The following ATAD2B variants were observed in gnomAD, a reference collection of about 807,000 sequenced individuals.
The protein encoded by ATAD2B is ATPase family AAA domain-containing protein 2B.
ATAD2B carries 40 observed loss-of-function variants against 167.6 expected under a neutral mutation model. The observed-to-expected ratio is 0.24, with a 90% CI of 0.19 to 0.31. The LOEUF (loss-of-function observed/expected upper bound fraction) is 0.31, where lower values mean the gene tolerates loss of function less well. ATAD2B is among the 10% of genes least tolerant of loss of function. The pLI is 1.00. For missense variants in ATAD2B, 1,242 were observed against 1,757.2 expected, an observed-to-expected ratio of 0.71 and a Z score of 5.24; for synonymous variants, 579 against 596.5, an observed-to-expected ratio of 0.97 and a Z score of 0.43.
the ATAD2B span, among the ~76,000 whole-genome samples, chr2:23,742,043 G>GT: frequency 6.6e-6 from 1 of 152,146 alleles, no homozygotes; most frequent in African/African-American, 2.4e-5. Flanking sequence ...TCATTAAAAA[G>GT]TCAGGAAACA....
At chr2:23,899,996 G>A (rs1198578584) in intron 1 of ATAD2B, among the ~76,000 whole-genome samples, 3 of 133,418 alleles carry the variant, frequency 2.2e-5, no homozygotes, top group Non-Finnish European at 3.1e-5. Flanking sequence ...TCGGCTCACT[G>A]CAACTTCCAC....
chr2:23,923,646 T>C (rs928839306), intron 1 of ATAD2B, among the ~76,000 whole-genome samples: 1 of 143,072 alleles, frequency 7.0e-6, no homozygotes, highest in African/African-American at 2.6e-5. Flanking sequence ...ACCTTTTACA[T>C]GTCAAAAAAA....
chr2:23,888,099 T>A (rs576974989), intron 3 of ATAD2B, 114 bp from the exon 4 acceptor site: 1 of 870,452 alleles, frequency 1.1e-6, no homozygotes, highest in African/African-American at 1.8e-5. Flanking sequence ...TATAACTTTT[T>A]AAATGGCTTT....
chr2:23,774,936 T>C (rs1489746241), intron 22 of ATAD2B, among the ~76,000 whole-genome samples: 1 of 149,978 alleles, frequency 6.7e-6, no homozygotes, highest in African/African-American at 2.5e-5. Flanking sequence ...AATAGAATAA[T>C]AAATAAAATT....
intron 1 of ATAD2B, among the ~76,000 whole-genome samples, chr2:23,899,729 T>G (rs1468305183): frequency 6.6e-6 from 1 of 152,106 alleles, no homozygotes; most frequent in East Asian, 1.9e-4. Flanking sequence ...TAGCTGAGAC[T>G]ACAGGCACAT....
At chr2:23,890,000 G>A (rs1394398916) in intron 2 of ATAD2B, among the ~76,000 whole-genome samples, 1 of 151,570 alleles carries the variant, frequency 6.6e-6, no homozygotes, top group African/African-American at 2.4e-5. Context: ...AGATTACGAG[G>A]TCAGGAGATC....
At chr2:23,708,452 T>G in the ATAD2B span, 1 of 152,226 alleles carries the variant, frequency 6.6e-6, no homozygotes. Context: ...CAGATGACAT[T>G]GAAATTCGTT....
intron 10 of ATAD2B, among the ~76,000 whole-genome samples, chr2:23,867,332 C>T (rs1396011066): frequency 6.6e-6 from 1 of 152,118 alleles, no homozygotes; most frequent in Non-Finnish European, 1.5e-5. Context: ...TCCCCAAAAG[C>T]AATTAATTCA....
intron 1 of ATAD2B, among the ~76,000 whole-genome samples, chr2:23,914,253 C>G (rs979223487): frequency 7.2e-5 from 11 of 151,974 alleles, no homozygotes; most frequent in African/African-American, 2.7e-4. Flanking sequence ...GAATCAAAAA[C>G]CTAAATAGTA....
In ATAD2B at chr2:23,926,833, G is replaced by A; in HGVS notation, c.-63C>T. ...GAGAGCCGAGCAAGGCCGGCCCGCC[G>A]GCCGGTCAGTCAGGGCCAGCGGAGC... is the stretch of plus-strand genomic sequence containing the variant. On this transcript the variant is annotated 5_prime_UTR_variant, in exon 1 of 28. Transcript: ENST00000238789. 6.9e-7 allele frequency: 1 copy of A among 1,450,348 alleles called. No individual in the cohort carries two copies. Among genetic ancestry groups the A allele is most frequent in the Non-Finnish European group, 9.1e-7 (1 of 1,102,492 alleles). The allele number at this position is 1,450,348 out of a possible 1,614,324, so 89.8% of individuals were successfully genotyped here.
At chr2:23,908,311 C>T (rs1177228676) in intron 1 of ATAD2B, among the ~76,000 whole-genome samples, 1 of 152,158 alleles carries the variant, frequency 6.6e-6, no homozygotes, top group Non-Finnish European at 1.5e-5. Flanking sequence ...ACAACCCCAT[C>T]AACAAGTGGG....
chr2:23,762,647 T>C (rs1161439891), intron 23 of ATAD2B, among the ~76,000 whole-genome samples: 2 of 151,854 alleles, frequency 1.3e-5, no homozygotes, highest in Non-Finnish European at 2.9e-5. Flanking sequence ...TGTGGAACAA[T>C]AAGATTATAT....
intron 22 of ATAD2B, among the ~76,000 whole-genome samples, chr2:23,766,546 C>G (rs1038326521): frequency 6.6e-5 from 10 of 152,152 alleles, no homozygotes; most frequent in African/African-American, 2.4e-4. Context: ...TCAAAGGCAC[C>G]ACTGATATTT....
At chr2:23,811,064 C>A (rs937828739) in intron 17 of ATAD2B, 4 of 152,902 alleles carry the variant, frequency 2.6e-5, no homozygotes, top group Non-Finnish European at 5.8e-5. Flanking sequence ...AAAATAAATC[C>A]ACTTTAAAAT....
chr2:23,865,760 T>C (rs1230947433), intron 10 of ATAD2B, among the ~76,000 whole-genome samples: 1 of 152,134 alleles, frequency 6.6e-6, no homozygotes, highest in Non-Finnish European at 1.5e-5. Flanking sequence ...ATTTACTTTT[T>C]TTTTTCTTTA....
At position 23,788,583 on chromosome 2, in the gene ATAD2B, T is replaced by C; in HGVS notation, c.2705A>G (p.Asp902Gly). 6.2e-7 allele frequency: 1 copy of C among 1,610,720 alleles called. No homozygotes were observed. The highest frequency in any genetic ancestry group is 8.5e-7 in the Non-Finnish European group (1 of 1,177,072). The change falls in exon 20 of 28, where the codon GAC becomes GGC. Residue 902 changes from aspartate to glycine, a missense_variant. Transcript: ENST00000238789. ...CAATTCTTGAAAAAATTTTCTTCTGTCTTCTTCAATAGGCCTTTGAATATA... is the reference window on the plus strand; with the variant it reads ...CAATTCTTGAAAAAATTTTCTTCTGCCTTCTTCAATAGGCCTTTGAATATA... ...VLYIQRPIEE[D>G]RRKFFQELIL...
At chr2:23,882,213 AT>A (rs1310078855) in intron 6 of ATAD2B, among the ~76,000 whole-genome samples, 1 of 150,226 alleles carries the variant, frequency 6.7e-6, no homozygotes, top group Non-Finnish European at 1.5e-5. Flanking sequence ...TTTTATTTTT[AT>A]TTTTTTTGAA....
chr2:23,895,009 AC>A (rs1213595414), intron 2 of ATAD2B, among the ~76,000 whole-genome samples: 2 of 152,184 alleles, frequency 1.3e-5, no homozygotes, highest in Admixed American at 1.3e-4. Context: ...TCCAGAATTT[AC>A]CTACACATAT....
At chr2:23,726,410 T>A in the ATAD2B span, among the ~76,000 whole-genome samples, 1 of 152,238 alleles carries the variant, frequency 6.6e-6, no homozygotes, top group African/African-American at 2.4e-5. Flanking sequence ...ACTGTATTCT[T>A]ACAATAAAGT....
Sources: allele counts gnomAD v4.1 joint callset (sites outside exome capture counted in the v4.1 genomes callset), GRCh38; gene constraint gnomAD v4.1.1; transcripts MANE v1.5; gene names NCBI Gene and HGNC (gene_info 2026-07-23, HGNC 2026-07-21).